ROBO1: variants seen among roughly 807,000 people sequenced by gnomAD.
ROBO1 encodes roundabout homolog 1.
ROBO1 carries 149 observed loss-of-function variants against 195.9 expected under a neutral mutation model. The ratio of observed to expected loss-of-function variants is 0.76; its 90% confidence interval spans 0.67 to 0.87. The LOEUF (loss-of-function observed/expected upper bound fraction) is 0.87, where lower values mean the gene tolerates loss of function less well. ROBO1 is among the 40% of genes least tolerant of loss of function. The probability of loss-of-function intolerance (pLI) is 0.00; values close to 1 mark genes in which losing one functional copy is unlikely to be tolerated. For synonymous variants in ROBO1, 816 were observed against 733.2 expected, an observed-to-expected ratio of 1.11 and a Z score of -1.82; for missense variants, 1,933 against 2,068.3, an observed-to-expected ratio of 0.93 and a Z score of 1.27.
At chr3:79,528,540 A>G (rs539971100) in intron 2 of ROBO1, among the ~76,000 whole-genome samples, 14 of 152,318 alleles carry the variant, frequency 9.2e-5, no homozygotes, top group African/African-American at 2.6e-4. Flanking sequence ...AAACCCTTCA[A>G]TCTCACCACT....
At chr3:79,593,021 T>A (rs1944055135) in intron 1 of ROBO1, among the ~76,000 whole-genome samples, 1 of 152,038 alleles carries the variant, frequency 6.6e-6, no homozygotes, top group Non-Finnish European at 1.5e-5. Context: ...GCTACATACA[T>A]CTTTCACTTA....
At chr3:78,717,976 C>T in intron 5 of ROBO1, 93 bp from the exon 6 acceptor site, 1 of 1,227,892 alleles carries the variant, frequency 8.1e-7, no homozygotes, top group Non-Finnish European at 1.2e-6. Context: ...GCTTTCTAAG[C>T]ATATAAATCA....
intron 1 of ROBO1, among the ~76,000 whole-genome samples, chr3:79,647,978 T>G (rs1253520456): frequency 6.6e-6 from 1 of 152,090 alleles, no homozygotes; most frequent in African/African-American, 2.4e-5. Context: ...TGACCAAAAA[T>G]ATGCCTTAGG....
intron 3 of ROBO1, among the ~76,000 whole-genome samples, chr3:79,083,878 G>T (rs914411063): frequency 2.6e-5 from 4 of 152,076 alleles, no homozygotes; most frequent in African/African-American, 9.7e-5. Flanking sequence ...TTCAATTATG[G>T]TTCTGAACCA....
At chr3:79,503,459 G>A (rs1378526272) in intron 2 of ROBO1, among the ~76,000 whole-genome samples, 1 of 152,104 alleles carries the variant, frequency 6.6e-6, no homozygotes, top group African/African-American at 2.4e-5. Context: ...TACCAATTCC[G>A]GACACACAAG....
At position 79,107,125 on chromosome 3, in the gene ROBO1, T is replaced by TCACA. The variant is rs1392293891; in HGVS notation, c.172+18330_172+18331insTGTG. ...CTCTCTTTCTCTCTCTCTCTCTCTC[T>TCACA]CTCACACACACACACACACACACAC... On this transcript the variant is annotated intron_variant, in intron 3 of 30. Transcript: ENST00000464233. 2.3e-3 allele frequency among the ~76,000 whole-genome samples: 320 copies of TCACA among 136,490 alleles called. 3 individuals are homozygous for TCACA. The highest frequency in any genetic ancestry group is 2.8e-3 in the East Asian group (13 of 4,706). 89.5% of individuals were successfully genotyped at this position (136,490 alleles called of 152,430 possible).
chr3:78,601,288 A>C (rs1165948914), intron 29 of ROBO1, among the ~76,000 whole-genome samples: 12 of 152,146 alleles, frequency 7.9e-5, no homozygotes, highest in Admixed American at 7.9e-4. Context: ...CACCATCACC[A>C]GTTCTAAATT....
chr3:78,860,326 A>ATATATATATATATT lies in ROBO1; in HGVS notation c.499+78274_499+78275insAATATATATATATA, dbSNP rs376853384. ...ACTATATATATATATATATATATAT[A>ATATATATATATATT]TTTTTTTTTTTTTACTCATAAGGTG... is the stretch of plus-strand genomic sequence containing the variant. On this transcript the variant is annotated intron_variant, in intron 4 of 30. Transcript: ENST00000464233. Among the ~76,000 whole-genome samples, 121 of 93,510 alleles carry ATATATATATATATT rather than the reference A, an allele frequency of 1.3e-3. 1 individual carries two copies. Among genetic ancestry groups the ATATATATATATATT allele is most frequent in the Non-Finnish European group, 1.5e-3 (74 of 50,196 alleles). The allele number at this position is 93,510 out of a possible 152,430, so 61.3% of individuals were successfully genotyped here.
At chr3:79,020,326 A>T (rs2078072351) in intron 3 of ROBO1, among the ~76,000 whole-genome samples, 1 of 152,182 alleles carries the variant, frequency 6.6e-6, no homozygotes, top group African/African-American at 2.4e-5. Flanking sequence ...AAAATACACA[A>T]AGCAAAACAA....
intron 3 of ROBO1, among the ~76,000 whole-genome samples, chr3:79,107,106 TTCTCTCTC>T (rs1162609873): frequency 1.6e-5 from 2 of 125,320 alleles, no homozygotes; most frequent in Non-Finnish European, 1.8e-5. Flanking sequence ...ACCTCTCTCT[TTCTCTCTC>T]TCTCTCTCTC....
intron 3 of ROBO1, among the ~76,000 whole-genome samples, chr3:78,994,922 A>G (rs1379256201): frequency 1.3e-5 from 2 of 152,124 alleles, no homozygotes; most frequent in Non-Finnish European, 2.9e-5. Flanking sequence ...AAGAATTCAC[A>G]TCGTGTGTTT....
intron 1 of ROBO1, among the ~76,000 whole-genome samples, chr3:79,644,420 GTAC>G (rs1257999960): frequency 1.1e-4 from 17 of 152,146 alleles, no homozygotes; most frequent in African/African-American, 3.9e-4. Context: ...AGGTTTAATT[GTAC>G]TTACAGTTCC....
chr3:79,074,974 T>C (rs1283362764), intron 3 of ROBO1, among the ~76,000 whole-genome samples: 1 of 151,882 alleles, frequency 6.6e-6, no homozygotes, highest in Admixed American at 6.6e-5. Flanking sequence ...AAACCTTTAA[T>C]TGTGAATTTT....
chr3:78,983,973 A>C (rs1447580583), intron 3 of ROBO1, among the ~76,000 whole-genome samples: 1 of 152,200 alleles, frequency 6.6e-6, no homozygotes, highest in Admixed American at 6.5e-5. Flanking sequence ...AATAAGGTGA[A>C]ACATAAACAT....
intron 10 of ROBO1, among the ~76,000 whole-genome samples, chr3:78,673,678 C>T (rs1247656385): frequency 1.4e-5 from 2 of 143,022 alleles, no homozygotes; most frequent in African/African-American, 5.1e-5. Context: ...GACTTCAAAA[C>T]CCGTCCAAAA....
intron 2 of ROBO1, among the ~76,000 whole-genome samples, chr3:79,547,125 C>G (rs1195619889): frequency 7.9e-6 from 1 of 126,938 alleles, no homozygotes; most frequent in Admixed American, 1.0e-4. Flanking sequence ...GTGGAGCTTG[C>G]AGTGAGCCGA....
intron 2 of ROBO1, among the ~76,000 whole-genome samples, chr3:79,448,155 G>A (rs1035455813): frequency 7.9e-5 from 12 of 152,254 alleles, no homozygotes; most frequent in African/African-American, 2.6e-4. Context: ...AATTTAGGTT[G>A]ATAAATTTGC....
chr3:79,442,338 C>T (rs1559902479), intron 2 of ROBO1, among the ~76,000 whole-genome samples: 1 of 151,886 alleles, frequency 6.6e-6, no homozygotes, highest in Non-Finnish European at 1.5e-5. Context: ...AAACATAGTG[C>T]CATATATTTC....
intron 3 of ROBO1, among the ~76,000 whole-genome samples, chr3:79,060,698 T>C (rs530380503): frequency 6.6e-6 from 1 of 152,082 alleles, no homozygotes; most frequent in African/African-American, 2.4e-5. Context: ...GTTCAACATA[T>C]GCAAATCAAC....
Sources: gnomAD v4.1 joint callset for allele counts (sites outside exome capture counted in the v4.1 genomes callset) on GRCh38, gnomAD v4.1.1 for gene constraint, MANE v1.5 for transcripts, NCBI Gene and HGNC (gene_info 2026-07-23, HGNC 2026-07-21) for gene names.